CCDC148: variants seen among roughly 807,000 people sequenced by gnomAD.
CCDC148 encodes the protein coiled-coil domain-containing protein 148.
A neutral mutation model predicts 85.7 loss-of-function variants in CCDC148; 89 were observed. The ratio of observed to expected loss-of-function variants is 1.04; its 90% CI spans 0.87 to 1.24. The LOEUF (loss-of-function observed/expected upper bound fraction) is 1.24. CCDC148 is among the 50% of genes most tolerant of loss of function. The pLI is 0.00. For synonymous variants in CCDC148, 230 were observed against 213.9 expected (o/e 1.08, Z -0.66); for missense variants, 692 against 671.7 (o/e 1.03, Z -0.33).
intron 1 of CCDC148, among the ~76,000 whole-genome samples, chr2:158,427,769 C>T (rs1236355710): frequency 6.6e-6 from 1 of 152,012 alleles, no homozygotes; most frequent in Non-Finnish European, 1.5e-5. Flanking sequence ...ACCTGGGAGG[C>T]CTTAGGTAGG....
At chr2:158,426,588 C>T (rs949022309) in intron 1 of CCDC148, among the ~76,000 whole-genome samples, 3 of 152,130 alleles carry the variant, frequency 2.0e-5, no homozygotes, top group Non-Finnish European at 2.9e-5. Flanking sequence ...TAGGTAAACA[C>T]AAACTTTGAA....
intron 11 of CCDC148, among the ~76,000 whole-genome samples, chr2:158,193,953 A>G: frequency 6.7e-6 from 1 of 148,536 alleles, no homozygotes. Context: ...CCAACATGGC[A>G]GATGTATACA....
At chr2:158,292,071 A>C (rs1207004983) in intron 9 of CCDC148, among the ~76,000 whole-genome samples, 1 of 152,140 alleles carries the variant, frequency 6.6e-6, no homozygotes, top group East Asian at 1.9e-4. Context: ...AGGCACTGAA[A>C]GATCACTTTT....
intron 11 of CCDC148, among the ~76,000 whole-genome samples, chr2:158,186,145 G>A (rs936164623): frequency 1.3e-5 from 2 of 152,034 alleles, no homozygotes; most frequent in African/African-American, 2.4e-5. Flanking sequence ...TTGACTTTGG[G>A]ATGATACCAT....
chr2:158,269,271 G>A lies in CCDC148; in HGVS notation c.1111-18359C>T, dbSNP rs377747291. Among the ~76,000 whole-genome samples the A allele has an allele frequency of 1.3e-4, 20 of 152,042 alleles. No homozygotes were observed. The South Asian group carries it at 2.7e-3, about 21-fold the overall frequency. ...CATGCCATCCTTTCAGGTGTGAGAC[G>A]GTATCTCATGGTGGTTTTAACCTGC... On this transcript the variant is annotated intron_variant, in intron 9 of 13. Coordinates refer to ENST00000283233, the MANE Select transcript of CCDC148 (RefSeq NM_138803.4).
At chr2:158,294,039 T>C (rs1574565424) in intron 9 of CCDC148, among the ~76,000 whole-genome samples, 1 of 97,342 alleles carries the variant, frequency 1.0e-5, no homozygotes, top group Non-Finnish European at 1.9e-5. Flanking sequence ...CTTCCTTCCT[T>C]CCTTCCTTCC....
At chr2:158,370,267 C>T (rs1684383728) in intron 1 of CCDC148, among the ~76,000 whole-genome samples, 1 of 151,886 alleles carries the variant, frequency 6.6e-6, no homozygotes, top group Admixed American at 6.6e-5. Flanking sequence ...GCATGTCCTG[C>T]ACATATATCC....
In CCDC148 at chr2:158,250,883, C is replaced by G. The variant is rs1376162140; in HGVS notation, c.1140G>C (p.Glu380Asp). ...AAATTTCCATTTCCAGTCTTGCTAC[C>G]TCTTCTTGGTGGGCTCGCCATTGAC... ...KVRQWRAHQE[E>D]VARLEMEISA... Residue 380 changes from glutamate (E) to aspartate (D), a missense_variant, in exon 10 of 14, where the codon GAG (glutamate) becomes GAC (aspartate). Coordinates refer to ENST00000283233, the MANE Select transcript of CCDC148 (RefSeq NM_138803.4). 3 of 1,605,656 alleles carry G rather than the reference C, an allele frequency of 1.9e-6. No individual in the cohort carries two copies. Among genetic ancestry groups the G allele is most frequent in the Admixed American group, 1.7e-5 (1 of 59,376 alleles).
At chr2:158,408,896 A>C (rs1280691608) in intron 1 of CCDC148, among the ~76,000 whole-genome samples, 1 of 152,022 alleles carries the variant, frequency 6.6e-6, no homozygotes, top group Non-Finnish European at 1.5e-5. Flanking sequence ...AATTCATTGT[A>C]GTTTGGATTT....
intron 1 of CCDC148, among the ~76,000 whole-genome samples, chr2:158,382,758 C>CA (rs10708736): frequency 4.8e-4 from 70 of 144,972 alleles, no homozygotes; most frequent in East Asian, 1.0e-3. Context: ...ACTAAAAATA[C>CA]AAAAAAAAAA....
At chr2:158,357,730 T>G (rs1683734867) in intron 2 of CCDC148, among the ~76,000 whole-genome samples, 1 of 152,084 alleles carries the variant, frequency 6.6e-6, no homozygotes, top group Non-Finnish European at 1.5e-5. Flanking sequence ...TTTGAAATAA[T>G]AACAATTGCC....
chr2:158,184,793 C>T (rs1350901461), intron 11 of CCDC148, among the ~76,000 whole-genome samples: 3 of 152,218 alleles, frequency 2.0e-5, no homozygotes, highest in African/African-American at 4.8e-5. Context: ...CTCAAATGAG[C>T]GTACATCAAA....
chr2:158,358,519 G>A lies in CCDC148; in HGVS notation c.77C>T (p.Pro26Leu). ...TGCACGCAATTGTTGATAGTCTACTGGTTTGTACTTGATGTTTCTCATCTC... is the reference window on the plus strand; with the variant it reads ...TGCACGCAATTGTTGATAGTCTACTAGTTTGTACTTGATGTTTCTCATCTC... ...KNEMRNIKYK[P>L]VDYQQLRALT... Residue 26 changes from proline to leucine, a missense_variant, in exon 2 of 14, where the codon CCA becomes CTA. Pro to Leu is a moderately conservative substitution (Grantham distance 98). Transcript: ENST00000283233. 6.2e-7 allele frequency: 1 copy of A among 1,604,664 alleles called. No homozygotes were observed. The highest frequency in any genetic ancestry group is 1.7e-5 in the Admixed American group (1 of 58,428).
At chr2:158,312,169 T>C (rs145492550) in intron 8 of CCDC148, among the ~76,000 whole-genome samples, 1 of 152,182 alleles carries the variant, frequency 6.6e-6, no homozygotes, top group African/African-American at 2.4e-5. Context: ...AGGTAAACAG[T>C]AAAACCACTT....
intron 11 of CCDC148, among the ~76,000 whole-genome samples, chr2:158,194,965 C>T (rs1685597707): frequency 6.6e-6 from 1 of 151,852 alleles, no homozygotes; most frequent in African/African-American, 2.4e-5. Context: ...GCTGGTTACT[C>T]CTGAGCTCAC....
intron 2 of CCDC148, among the ~76,000 whole-genome samples, chr2:158,347,244 A>T (rs1161340383): frequency 6.6e-6 from 1 of 152,180 alleles, no homozygotes. Flanking sequence ...ATTAAAATAC[A>T]TTGGTGAAAG....
intron 9 of CCDC148, among the ~76,000 whole-genome samples, chr2:158,283,947 TA>T (rs1287346330): frequency 1.3e-4 from 20 of 151,258 alleles, no homozygotes; most frequent in African/African-American, 4.4e-4. Flanking sequence ...TATGCAGCCA[TA>T]AAAAATGATG....
At chr2:158,426,914 C>A (rs1288976521) in intron 1 of CCDC148, among the ~76,000 whole-genome samples, 2 of 152,098 alleles carry the variant, frequency 1.3e-5, no homozygotes, top group Admixed American at 6.6e-5. Flanking sequence ...TAACATGCAA[C>A]TTTAGGGACT....
chr2:158,204,505 T>C (rs912421251), intron 11 of CCDC148, among the ~76,000 whole-genome samples: 11 of 152,218 alleles, frequency 7.2e-5, no homozygotes, highest in African/African-American at 2.2e-4. Context: ...CTGGCTCCTC[T>C]GAGGCCACTA....
Sources: gnomAD v4.1 joint callset for allele counts (sites outside exome capture counted in the v4.1 genomes callset) on GRCh38, gnomAD v4.1.1 for gene constraint, MANE v1.5 for transcripts, NCBI Gene and HGNC (gene_info 2026-07-23, HGNC 2026-07-21) for gene names.